The following KIF1B variants were observed in gnomAD, a reference collection of about 807,000 sequenced individuals.
KIF1B encodes kinesin family member 1B, also known as kinesin-like protein KIF1B.
KIF1B carries 76 observed loss-of-function variants against 241.9 expected under a neutral mutation model. That is an observed-to-expected ratio of 0.31 (90% confidence interval 0.26 to 0.38). The LOEUF (loss-of-function observed/expected upper bound fraction) is 0.38. Among genes scored for constraint, KIF1B ranks in the 10% least tolerant of loss-of-function variants. The probability of loss-of-function intolerance (pLI) is 1.00; values close to 1 mark genes in which losing one functional copy is unlikely to be tolerated. For synonymous variants in KIF1B, 750 were observed against 796.7 expected (o/e 0.94, Z 0.99); for missense variants, 1,622 against 2,271.4 (o/e 0.71, Z 5.81).
At chr1:10,333,680 A>G (rs1234085742) in intron 27 of KIF1B, among the ~76,000 whole-genome samples, 1 of 152,078 alleles carries the variant, frequency 6.6e-6, no homozygotes, top group Non-Finnish European at 1.5e-5. Context: ...TGACAGAGTG[A>G]GACTCCATCT....
At chr1:10,250,656 C>G (rs1202395495) in intron 2 of KIF1B, among the ~76,000 whole-genome samples, 1 of 152,076 alleles carries the variant, frequency 6.6e-6, no homozygotes, top group Non-Finnish European at 1.5e-5. Flanking sequence ...AAAGCCCCAT[C>G]TCTGCAAAAA....
intron 22 of KIF1B, chr1:10,307,900 G>C (rs1650906041): frequency 9.5e-7 from 1 of 1,049,632 alleles, no homozygotes; most frequent in Non-Finnish European, 1.2e-6. Context: ...CTTTATTCCT[G>C]CTTCTAATTC....
chr1:10,232,230 G>A lies in KIF1B; in HGVS notation c.-79-20G>A, dbSNP rs1325137173. On this transcript the variant is annotated intron_variant, in intron 1 of 48. Transcript: ENST00000676179. Reference sequence around the variant, plus strand: ...GCTTTAATTCTGACTACCTCATATGGAATTTTTTTCTTTTCAAAGGAAACT... The same window carrying A: ...GCTTTAATTCTGACTACCTCATATGAAATTTTTTTCTTTTCAAAGGAAACT... 21 of 848,930 alleles carry A rather than the reference G, an allele frequency of 2.5e-5. No individual in the cohort carries two copies. The East Asian group carries it at 4.5e-4, about 18-fold the overall frequency. The allele number at this position is 848,930 out of a possible 1,614,324, so 52.6% of individuals were successfully genotyped here.
chr1:10,325,779 T>A (rs1004326128), intron 26 of KIF1B, among the ~76,000 whole-genome samples: 17 of 152,170 alleles, frequency 1.1e-4, no homozygotes, highest in African/African-American at 4.1e-4. Context: ...TGATGTTGAG[T>A]GGGTCCTTTG....
chr1:10,374,854 C>T lies in KIF1B; in HGVS notation c.5097C>T (p.Ser1699=), dbSNP rs762327929. Residue 1699 remains serine, a splice_region_variant and synonymous_variant, in exon 47 of 49, where the codon AGC becomes AGT. Transcript: ENST00000676179. The surrounding 1 kb of genome is among the most constrained non-coding windows in gnomAD (Gnocchi z 4.3). ...ACTTTTGTCATATTGTCGTTTTTAG[C>T]TCAGTGGTCTCTAAGAAAGGATACC... The part of the protein sequence containing the change: ...LVPDIEEIRP[S]SVVSKKGYLH... 1.9e-6 allele frequency: 3 copies of T among 1,613,650 alleles called. No individual in the cohort carries two copies. Among genetic ancestry groups the T allele is most frequent in the Non-Finnish European group, 2.5e-6 (3 of 1,179,670 alleles).
chr1:10,217,114 C>A (rs995726287), intron 1 of KIF1B, among the ~76,000 whole-genome samples: 3 of 151,274 alleles, frequency 2.0e-5, no homozygotes. Context: ...GCTGGGATTA[C>A]AAACGTGTGC....
intron 22 of KIF1B, among the ~76,000 whole-genome samples, chr1:10,314,642 A>G (rs1393603384): frequency 6.7e-6 from 1 of 148,910 alleles, no homozygotes; most frequent in Non-Finnish European, 1.5e-5. Context: ...CTGGTCTCAA[A>G]CTCCTGAGCT....
At chr1:10,311,409 C>T (rs1651060006) in intron 22 of KIF1B, among the ~76,000 whole-genome samples, 2 of 151,090 alleles carry the variant, frequency 1.3e-5, no homozygotes, top group Admixed American at 6.6e-5. Context: ...GACGGGGTCT[C>T]ACCATGTTGG....
At chr1:10,319,564 G>C (rs190714754) in intron 22 of KIF1B, among the ~76,000 whole-genome samples, 1 of 152,154 alleles carries the variant, frequency 6.6e-6, no homozygotes, top group African/African-American at 2.4e-5. Flanking sequence ...CAAAGAGGAA[G>C]CATCAAAGTC....
At position 10,258,594 on chromosome 1, in the gene KIF1B, C is replaced by G. The variant is rs12402052; in HGVS notation, c.285C>G (p.Ala95=). 458,354 of 1,613,504 alleles carry G rather than the reference C, an allele frequency of 0.28. 67,279 individuals carry two copies. Among genetic ancestry groups the G allele is most frequent in the Admixed American group, 0.33 (19,792 of 59,984 alleles). ...AGGGATATAATGTCTGTATTTTTGC[C>G]TATGGGCAGACTGGTGCTGGAAAAT... ...AFEGYNVCIF[A]YGQTGAGKSY... is the part of the protein sequence containing the mutation. The change falls in exon 4 of 49, where the codon GCC becomes GCG. Residue 95 remains alanine, a synonymous_variant. Coordinates refer to ENST00000676179, the MANE Select transcript of KIF1B (RefSeq NM_001365951.3).
In KIF1B at chr1:10,303,765, G is replaced by T. The variant is rs755578632; in HGVS notation, c.2115+6519G>T. ...TCAAAATGGAAAAAGTCTTGCCACT[G>T]ATCGGATCTCAGGAACAGAAAAGCC... On this transcript the variant is annotated intron_variant, in intron 22 of 48. Transcript: ENST00000676179. The surrounding 1 kb of genome is among the most constrained non-coding windows in gnomAD (Gnocchi z 5.2). 1 of 1,614,164 alleles carries T rather than the reference G, an allele frequency of 6.2e-7. No individual in the cohort carries two copies.
At chr1:10,221,525 T>A (rs1646845119) in intron 1 of KIF1B, among the ~76,000 whole-genome samples, 1 of 152,080 alleles carries the variant, frequency 6.6e-6, no homozygotes, top group African/African-American at 2.4e-5. Flanking sequence ...ATTCTTAAAT[T>A]TTGGGGGGCC....
intron 22 of KIF1B, among the ~76,000 whole-genome samples, chr1:10,310,227 T>C (rs1369959836): frequency 6.6e-6 from 1 of 151,588 alleles, no homozygotes; most frequent in Admixed American, 6.5e-5. Context: ...TGGGGTCTTA[T>C]GAGAACACAG....
At chr1:10,215,172 A>ATTTTTTTT (rs1166683802) in intron 1 of KIF1B, among the ~76,000 whole-genome samples, 3 of 45,352 alleles carry the variant, frequency 6.6e-5, no homozygotes, top group African/African-American at 2.0e-4. Flanking sequence ...ATATATATAT[A>ATTTTTTTT]TTTTTTTTTT....
rs551392566 is a variant in KIF1B, at chr1:10,380,226, T to C, written c.*3639T>C. 1.2e-3 allele frequency: 244 copies of C among 212,066 alleles called. 1 individual carries two copies. The Middle Eastern group carries it at 0.019, about 17-fold the overall frequency. 13.1% of individuals were successfully genotyped at this position (212,066 alleles called of 1,614,324 possible). A position where few individuals can be genotyped will look rare whatever the true frequency, so the allele number is the denominator to read the frequency against. On this transcript the variant is annotated 3_prime_UTR_variant, in exon 49 of 49. Coordinates refer to ENST00000676179, the MANE Select transcript of KIF1B (RefSeq NM_001365951.3). ...AGGTCTATGTATATTTATCCAGCTA[T>C]ACTTACTTGCACAGTGGATTGGAGA... is the stretch of plus-strand genomic sequence containing the variant.
At chr1:10,304,358 A>C (rs1329944986) in intron 22 of KIF1B, 4 of 1,614,258 alleles carry the variant, frequency 2.5e-6, no homozygotes, top group Non-Finnish European at 2.5e-6. Flanking sequence ...AATAATGGCC[A>C]GCCGAAAAGT....
intron 22 of KIF1B, among the ~76,000 whole-genome samples, chr1:10,302,055 A>C (rs1650567796): frequency 6.6e-6 from 1 of 152,204 alleles, no homozygotes. Flanking sequence ...TTATGTGTTT[A>C]TTGGAAGAGT....
chr1:10,244,505 G>C lies in KIF1B; in HGVS notation c.107-11742G>C, dbSNP rs546648090. Among the ~76,000 whole-genome samples, 3 of 151,940 alleles carry C rather than the reference G, an allele frequency of 2.0e-5. No homozygotes were observed. In the East Asian group the frequency reaches 5.8e-4, roughly 29 times the overall value. On this transcript the variant is annotated intron_variant, in intron 2 of 48. Transcript: ENST00000676179. ...AATTTTTGTATTTTTAGTAGAGACAGGGTTTCCCCATCTTGAGGCTGGTCT... is the reference window on the plus strand; with the variant it reads ...AATTTTTGTATTTTTAGTAGAGACACGGTTTCCCCATCTTGAGGCTGGTCT...
rs149417293 is a variant in KIF1B, at chr1:10,361,786, G to A, written c.4265G>A (p.Arg1422His). 3.9e-5 allele frequency: 63 copies of A among 1,613,950 alleles called. No homozygotes were observed. Among genetic ancestry groups the A allele is most frequent in the Non-Finnish European group, 4.7e-5 (56 of 1,180,050 alleles). Residue 1422 changes from arginine (R) to histidine (H), a missense_variant, in exon 40 of 49, where the codon CGT becomes CAT. Around this residue, in one of 7 missense-constraint regions of KIF1B, gnomAD observed 803 missense variants for 1,112.0 expected, o/e 0.72. Coordinates refer to ENST00000676179, the MANE Select transcript of KIF1B (RefSeq NM_001365951.3). ...DAKISPPRSL[R>H]SLFGSGYSKS... ...AAGATCTCACCACCACGCTCTCTGC[G>A]TAGCCTCTTTGGCAGCGGCTACTCA...
Sources: gnomAD v4.1 joint callset for allele counts (sites outside exome capture counted in the v4.1 genomes callset) on GRCh38, gnomAD v4.1.1 for gene constraint, gnomAD v4.1.1 regional missense constraint, Gnocchi (gnomAD v3.1) non-coding constraint, MANE v1.5 for transcripts, NCBI Gene and HGNC (gene_info 2026-07-23, HGNC 2026-07-21) for gene names.